Variants in DYNC2H1 observed in about 807,000 individuals in gnomAD.
DYNC2H1 encodes the protein dynein cytoplasmic 2 heavy chain 1.
Under a neutral mutation model 570.0 loss-of-function variants are expected in DYNC2H1, and 410 were observed. The ratio of observed to expected loss-of-function variants is 0.72; its 90% confidence interval spans 0.66 to 0.78. DYNC2H1 has a LOEUF of 0.78. DYNC2H1 is among the 30% of genes least tolerant of loss of function. The pLI is 0.00. For synonymous variants in DYNC2H1, 1,688 were observed against 1,677.6 expected (o/e 1.01, Z -0.15); for missense variants, 4,865 against 5,046.4 (o/e 0.96, Z 1.09).
At chr11:103,393,285 G>T (rs1455885139) in intron 83 of DYNC2H1, among the ~76,000 whole-genome samples, 2 of 152,142 alleles carry the variant, frequency 1.3e-5, no homozygotes, top group East Asian at 3.8e-4. Context: ...TAAATATCAT[G>T]GTCTGTGTTA....
At chr11:103,444,380 G>A (rs1234430614) in intron 85 of DYNC2H1, among the ~76,000 whole-genome samples, 1 of 151,956 alleles carries the variant, frequency 6.6e-6, no homozygotes, top group African/African-American at 2.4e-5. Context: ...AAATCTAAAT[G>A]TCATGCCTTG....
At chr11:103,388,584 T>C (rs1941992231) in intron 83 of DYNC2H1, among the ~76,000 whole-genome samples, 1 of 152,322 alleles carries the variant, frequency 6.6e-6, no homozygotes, top group Non-Finnish European at 1.5e-5. Flanking sequence ...CTTGTGCCAG[T>C]TTTCAAAGGG....
intron 78 of DYNC2H1, among the ~76,000 whole-genome samples, chr11:103,309,918 T>C (rs141724604): frequency 2.6e-5 from 4 of 152,292 alleles, no homozygotes; most frequent in Admixed American, 1.3e-4. Context: ...ATTATATTTT[T>C]ATGGGAATTT....
intron 65 of DYNC2H1, among the ~76,000 whole-genome samples, chr11:103,246,377 T>C (rs952293878): frequency 6.6e-6 from 1 of 152,008 alleles, no homozygotes; most frequent in African/African-American, 2.4e-5. Context: ...TATACTGTGG[T>C]CCTGAAGGAC....
At chr11:103,385,507 T>C (rs1941834837) in intron 83 of DYNC2H1, among the ~76,000 whole-genome samples, 1 of 152,190 alleles carries the variant, frequency 6.6e-6, no homozygotes, top group Non-Finnish European at 1.5e-5. Context: ...TCATCTACCA[T>C]AGAATTAAAT....
intron 6 of DYNC2H1, among the ~76,000 whole-genome samples, chr11:103,120,140 ATAGTT>A (rs1401266801): frequency 6.6e-6 from 1 of 152,190 alleles, no homozygotes; most frequent in Non-Finnish European, 1.5e-5. Flanking sequence ...AGCTCTAAAT[ATAGTT>A]TAAACAGTTT....
In DYNC2H1 at chr11:103,253,042, A is replaced by AT. The variant is rs568678837; in HGVS notation, c.10043-242dup. Among the ~76,000 whole-genome samples, 216 of 152,320 alleles carry AT rather than the reference A, an allele frequency of 1.4e-3. 2 individuals carry two copies. Among genetic ancestry groups the AT allele is most frequent in the Middle Eastern group, 6.8e-3 (2 of 294 alleles). ...AATGTTAAAACCATACTGAATGAGA[A>AT]TAGATATTCCTTGGGTGCTTCAGTA... On this transcript the variant is annotated intron_variant, in intron 65 of 88. Transcript: ENST00000375735.
chr11:103,223,193 T>G, intron 59 of DYNC2H1, 107 bp downstream of exon 59: 1 of 1,115,636 alleles, frequency 9.0e-7, no homozygotes, highest in Non-Finnish European at 1.2e-6. Flanking sequence ...AAATGGCAGT[T>G]GACAATACTA....
At chr11:103,389,453 T>A (rs1384390807) in intron 83 of DYNC2H1, among the ~76,000 whole-genome samples, 1 of 152,188 alleles carries the variant, frequency 6.6e-6, no homozygotes, top group Non-Finnish European at 1.5e-5. Flanking sequence ...AACCACCTCC[T>A]GGATTCATTG....
Position 103,125,259 on chromosome 11 carries a change from A to C in DYNC2H1, c.1821A>C (p.Ala607=). Residue 607 remains alanine (A), a synonymous_variant, in exon 12 of 89, where the codon GCA becomes GCC. Transcript: ENST00000375735. The stretch of plus-strand genomic sequence containing the variant: ...AAATACAGCAAGTTGCAAACATTGC[A>C]CAGAAATTCTGCAAGCAAGCAATTA... ...PAKIQQVANI[A]QKFCKQAIIL... 2 of 1,610,648 alleles carry C rather than the reference A, an allele frequency of 1.2e-6. No individual in the cohort carries two copies. The highest frequency in any genetic ancestry group is 1.7e-6 in the Non-Finnish European group (2 of 1,178,292).
chr11:103,332,298 G>A (rs1938850012), intron 82 of DYNC2H1, among the ~76,000 whole-genome samples: 1 of 116,276 alleles, frequency 8.6e-6, no homozygotes, highest in South Asian at 2.9e-4. Flanking sequence ...GAAACATAAG[G>A]AGAAAAAAAC....
At chr11:103,450,178 C>A (rs1007996448) in intron 85 of DYNC2H1, among the ~76,000 whole-genome samples, 14 of 152,210 alleles carry the variant, frequency 9.2e-5, no homozygotes, top group African/African-American at 3.1e-4. Flanking sequence ...AACTTTTACA[C>A]ACCTAATAAC....
chr11:103,438,534 G>GC (rs5794236), intron 85 of DYNC2H1, among the ~76,000 whole-genome samples: 86,899 of 151,858 alleles, frequency 0.57, 25,329 homozygotes, highest in East Asian at 0.72. Context: ...AGCAGGTTGA[G>GC]CCCAGATCCA....
intron 83 of DYNC2H1, among the ~76,000 whole-genome samples, chr11:103,381,663 G>A (rs543476602): frequency 6.6e-6 from 1 of 152,192 alleles, no homozygotes; most frequent in African/African-American, 2.4e-5. Context: ...TGGCCAGGCT[G>A]GTCTTGAACT....
chr11:103,456,976 G>A (rs1473919176), intron 87 of DYNC2H1, among the ~76,000 whole-genome samples: 1 of 152,336 alleles, frequency 6.6e-6, no homozygotes, highest in South Asian at 2.1e-4. Flanking sequence ...GTTCATTTGT[G>A]TATGTGCAAA....
Position 103,181,715 on chromosome 11 carries a change from A to T in DYNC2H1, c.6348-42A>T. On this transcript the variant is annotated intron_variant, in intron 39 of 88. Coordinates refer to ENST00000375735, the MANE Select transcript of DYNC2H1 (RefSeq NM_001377.3). This position sits in a 1 kb window ranked among gnomAD's most constrained non-coding sequence, Gnocchi z 5.0. ...AAATTTATTTTAATGTAAATTGATA[A>T]TTTCTTCCTAAGTAATTTTTTATTT... 1 of 1,491,968 alleles carries T rather than the reference A, an allele frequency of 6.7e-7. No homozygotes were observed. Among genetic ancestry groups the T allele is most frequent in the Admixed American group, 2.4e-5 (1 of 41,862 alleles). 92.4% of individuals were successfully genotyped at this position (1,491,968 alleles called of 1,614,324 possible).
chr11:103,118,235 G>A (rs1384741324), intron 6 of DYNC2H1, among the ~76,000 whole-genome samples: 1 of 151,876 alleles, frequency 6.6e-6, no homozygotes, highest in Non-Finnish European at 1.5e-5. Flanking sequence ...CAAGTTATGA[G>A]TTTCAGTAAA....
rs533044655 is a variant in DYNC2H1, at chr11:103,418,142, C to T, written c.12367-17801C>T. Among the ~76,000 whole-genome samples, 10 of 151,918 alleles carry T rather than the reference C, an allele frequency of 6.6e-5. No individual in the cohort carries two copies. The South Asian group carries it at 1.9e-3, about 28-fold the overall frequency. On this transcript the variant is annotated intron_variant, in intron 84 of 88. Coordinates refer to ENST00000375735, the MANE Select transcript of DYNC2H1 (RefSeq NM_001377.3). ...AGGAATGAGGCATTAAGCTCCACTT[C>T]TATTCAATGTTGCACCACATATCCT...
intron 31 of DYNC2H1, among the ~76,000 whole-genome samples, chr11:103,167,098 A>G (rs1334879240): frequency 6.8e-6 from 1 of 147,276 alleles, no homozygotes; most frequent in Non-Finnish European, 1.5e-5. Flanking sequence ...CCATTTCAAT[A>G]TTAAGTCCAT....
Sources: allele counts gnomAD v4.1 joint callset (sites outside exome capture counted in the v4.1 genomes callset), GRCh38; gene constraint gnomAD v4.1.1; non-coding constraint Gnocchi (gnomAD v3.1); transcripts MANE v1.5; gene names NCBI Gene and HGNC (gene_info 2026-07-23, HGNC 2026-07-21).